The following ADAMTS20 variants were observed in gnomAD, a reference collection of about 807,000 sequenced individuals.
ADAMTS20 encodes the protein ADAM metallopeptidase with thrombospondin type 1 motif 20.
A neutral mutation model predicts 260.1 loss-of-function variants in ADAMTS20; 225 were observed. That is an observed-to-expected ratio of 0.87 (90% CI 0.78 to 0.97). The LOEUF is 0.97. Among genes scored for constraint, ADAMTS20 ranks in the 50% least tolerant of loss-of-function variants. The probability of loss-of-function intolerance (pLI) is 0.00; values close to 1 mark genes in which losing one functional copy is unlikely to be tolerated. For missense variants in ADAMTS20, 2,400 were observed against 2,337.7 expected, an observed-to-expected ratio of 1.03 and a Z score of -0.55; for synonymous variants, 802 against 769.5, an observed-to-expected ratio of 1.04 and a Z score of -0.70.
At chr12:43,497,630 GC>G (rs1942695989) in intron 4 of ADAMTS20, among the ~76,000 whole-genome samples, 1 of 152,020 alleles carries the variant, frequency 6.6e-6, no homozygotes, top group South Asian at 2.1e-4. Flanking sequence ...AAGTATGAAA[GC>G]ATATCATTAG....
intron 31 of ADAMTS20, among the ~76,000 whole-genome samples, chr12:43,381,222 C>G (rs1409917254): frequency 6.6e-6 from 1 of 152,060 alleles, no homozygotes; most frequent in East Asian, 1.9e-4. Flanking sequence ...CAAAATGTAT[C>G]AAACTCCTAA....
chr12:43,362,765 C>G (rs756893119), intron 37 of ADAMTS20, among the ~76,000 whole-genome samples: 2 of 149,914 alleles, frequency 1.3e-5, no homozygotes, highest in Non-Finnish European at 1.5e-5. Flanking sequence ...CAACATGGCA[C>G]ATGCATACAT....
chr12:43,477,864 T>G (rs1420866051), intron 7 of ADAMTS20, among the ~76,000 whole-genome samples: 1 of 152,162 alleles, frequency 6.6e-6, no homozygotes, highest in East Asian at 1.9e-4. Flanking sequence ...GTTTTCTTCA[T>G]TAAGCCAGGG....
rs575618051 is a variant in ADAMTS20 at position 43,522,856 on chromosome 12, G to T, written c.613+9180C>A. 7.2e-5 allele frequency among the ~76,000 whole-genome samples: 11 copies of T among 152,276 alleles called. No individual in the cohort carries two copies. The South Asian group carries it at 1.0e-3, about 14-fold the overall frequency. On this transcript the variant is annotated intron_variant, in intron 3 of 38. Coordinates refer to ENST00000389420, the MANE Select transcript of ADAMTS20 (RefSeq NM_025003.5). ...TCCACAGTGGCTAGGTTTACCAAAC[G>T]TAAGTTGGATGACCTTGAGGCACAC...
intron 7 of ADAMTS20, among the ~76,000 whole-genome samples, chr12:43,482,093 G>A (rs755731330): frequency 5.3e-5 from 8 of 152,184 alleles, no homozygotes; most frequent in Non-Finnish European, 1.2e-4. Flanking sequence ...AACGGCATCA[G>A]TGTGTACTCC....
chr12:43,357,900 G>A (rs1379070430), intron 37 of ADAMTS20, among the ~76,000 whole-genome samples: 2 of 152,182 alleles, frequency 1.3e-5, no homozygotes, highest in East Asian at 1.9e-4. Context: ...AGACAAAGTC[G>A]TATTTTATGT....
intron 14 of ADAMTS20, among the ~76,000 whole-genome samples, chr12:43,449,820 G>A (rs987559604): frequency 6.6e-6 from 1 of 152,066 alleles, no homozygotes; most frequent in South Asian, 2.1e-4. Context: ...TTTATTAAAG[G>A]GTCATCCACA....
chr12:43,423,999 C>A (rs1941284320), intron 28 of ADAMTS20: 1 of 657,156 alleles, frequency 1.5e-6, no homozygotes, highest in African/African-American at 1.8e-5. Flanking sequence ...TCAGCCTGAA[C>A]CAGAGCTTGA....
At chr12:43,401,345 C>T (rs910868904) in intron 28 of ADAMTS20, among the ~76,000 whole-genome samples, 29 of 151,806 alleles carry the variant, frequency 1.9e-4, no homozygotes, top group African/African-American at 7.0e-4. Flanking sequence ...CAAGAATCAG[C>T]CAGTAAATAT....
intron 7 of ADAMTS20, among the ~76,000 whole-genome samples, chr12:43,472,752 G>A (rs1942286605): frequency 6.6e-6 from 1 of 151,074 alleles, no homozygotes; most frequent in African/African-American, 2.4e-5. Context: ...CATAAGTGAA[G>A]GAGAAATAAA....
intron 31 of ADAMTS20, among the ~76,000 whole-genome samples, chr12:43,383,141 C>T (rs1940391077): frequency 6.6e-6 from 1 of 152,068 alleles, no homozygotes. Flanking sequence ...CACAAGGAAA[C>T]TTTTGGGAGT....
At chr12:43,368,242 C>A (rs868261702) in intron 37 of ADAMTS20, among the ~76,000 whole-genome samples, 5 of 151,992 alleles carry the variant, frequency 3.3e-5, no homozygotes, top group African/African-American at 7.2e-5. Flanking sequence ...TGTTTTGGAA[C>A]CTTACGATTA....
intron 29 of ADAMTS20, among the ~76,000 whole-genome samples, chr12:43,385,413 A>ATGAT (rs1225628460): frequency 6.6e-6 from 1 of 152,186 alleles, no homozygotes; most frequent in African/African-American, 2.4e-5. Flanking sequence ...ATTCACGCTG[A>ATGAT]TGATAGTTTA....
At chr12:43,543,715 A>G (rs537226893) in intron 2 of ADAMTS20, among the ~76,000 whole-genome samples, 2 of 152,150 alleles carry the variant, frequency 1.3e-5, no homozygotes, top group South Asian at 2.1e-4. Flanking sequence ...AATAAAGACT[A>G]TTGGTGATCA....
chr12:43,379,604 C>A (rs1940305620), intron 31 of ADAMTS20, among the ~76,000 whole-genome samples: 1 of 152,156 alleles, frequency 6.6e-6, no homozygotes, highest in Admixed American at 6.5e-5. Flanking sequence ...GGCTAGGGAA[C>A]CAAAATTATT....
chr12:43,522,752 T>C (rs755360624), intron 3 of ADAMTS20, among the ~76,000 whole-genome samples: 6 of 152,220 alleles, frequency 3.9e-5, no homozygotes, highest in Non-Finnish European at 8.8e-5. Context: ...GTTCATCTCA[T>C]GGGTTTTTAA....
chr12:43,550,933 G>A lies in ADAMTS20; in HGVS notation c.429C>T (p.Ala143=), dbSNP rs750645106. 4 of 1,576,604 alleles carry A rather than the reference G, an allele frequency of 2.5e-6. No individual in the cohort carries two copies. Among genetic ancestry groups the A allele is most frequent in the Non-Finnish European group, 3.5e-6 (4 of 1,157,630 alleles). Residue 143 remains alanine, a synonymous_variant, in exon 2 of 39, where the codon GCC becomes GCT. Transcript: ENST00000389420. Reference sequence around the variant, plus strand: ...CCAGGCCTCCGCATAAGCTGACGACGGCCTTGTAATCCTCCTGTGAGTTGA... The same window carrying A: ...CCAGGCCTCCGCATAAGCTGACGACAGCCTTGTAATCCTCCTGTGAGTTGA... ...GQVNSQEDYK[A]VVSLCGGLTG...
chr12:43,460,603 G>C (rs969799543), intron 11 of ADAMTS20, among the ~76,000 whole-genome samples: 1 of 151,946 alleles, frequency 6.6e-6, no homozygotes, highest in African/African-American at 2.4e-5. Context: ...AAACACAAAC[G>C]TATGTCTACA....
At chr12:43,479,812 A>G (rs1194822673) in intron 7 of ADAMTS20, among the ~76,000 whole-genome samples, 3 of 152,142 alleles carry the variant, frequency 2.0e-5, no homozygotes, top group African/African-American at 2.4e-5. Flanking sequence ...CAAAGCTACA[A>G]GAAAGACAAC....
Sources: gnomAD v4.1 joint callset for allele counts (sites outside exome capture counted in the v4.1 genomes callset) on GRCh38, gnomAD v4.1.1 for gene constraint, MANE v1.5 for transcripts, NCBI Gene and HGNC (gene_info 2026-07-23, HGNC 2026-07-21) for gene names.